GFAP: variants seen among roughly 807,000 people sequenced by gnomAD.
The protein encoded by GFAP is glial fibrillary acidic protein.
A neutral mutation model predicts 49.3 loss-of-function variants in GFAP; 38 were observed. The ratio of observed to expected loss-of-function variants is 0.77; its 90% CI spans 0.60 to 1.01. GFAP has a LOEUF of 1.01. Ranked by LOEUF, GFAP falls within the 50% of genes least tolerant of loss-of-function variation. The pLI is 0.00. For synonymous variants in GFAP, 222 were observed against 236.4 expected (o/e 0.94, Z 0.56); for missense variants, 463 against 579.1 (o/e 0.80, Z 2.06).
rs552590923 is a variant in GFAP at position 44,915,200 on chromosome 17, G to A, written c.287C>T (p.Ala96Val). 6.9e-5 allele frequency: 112 copies of A among 1,614,214 alleles called. No homozygotes were observed. Among genetic ancestry groups the A allele is most frequent in the Admixed American group, 1.8e-4 (11 of 60,034 alleles). Reference sequence around the variant, plus strand: ...CAGCTGGTTCAGCTCAGCAGCCAGCGCCTTGTTTTGCTGTTCCAGGAAGCG... The same window carrying A: ...CAGCTGGTTCAGCTCAGCAGCCAGCACCTTGTTTTGCTGTTCCAGGAAGCG... ...KVRFLEQQNKALAAELNQLRA... is the reference protein window; with the variant it reads ...KVRFLEQQNKVLAAELNQLRA... Residue 96 changes from alanine (A) to valine (V), a missense_variant, in exon 1 of 9, where the codon GCG becomes GTG. By Grantham distance (64) the Ala-to-Val change is moderately conservative. Transcript: ENST00000588735. This position sits in a 1 kb window ranked among gnomAD's most constrained non-coding sequence, Gnocchi z 4.1.
chr17:44,915,446 T>A lies in GFAP; in HGVS notation c.41A>T (p.Tyr14Phe), dbSNP rs2051891927. Reference protein sequence around the residue: ...RRITSAARRSYVSSGEMMVGG... With the variant: ...RRITSAARRSFVSSGEMMVGG... ...CACCATCATCTCCCCTGAGGAGACG[T>A]AGGAGCGGCGAGCAGCGGAGGTGAT... Residue 14 changes from tyrosine (Y) to phenylalanine (F), a missense_variant, in exon 1 of 9, where the codon TAC (tyrosine) becomes TTC (phenylalanine). By Grantham distance (22) the Tyr-to-Phe change is conservative. Transcript: ENST00000588735. The surrounding 1 kb of genome is among the most constrained non-coding windows in gnomAD (Gnocchi z 4.1). 6.2e-7 allele frequency: 1 copy of A among 1,607,988 alleles called. No individual in the cohort carries two copies. Among genetic ancestry groups the A allele is most frequent in the Admixed American group, 1.7e-5 (1 of 59,340 alleles).
At chr17:44,913,146 G>C in intron 4 of GFAP, 123 bp downstream of exon 4, 2 of 966,018 alleles carry the variant, frequency 2.1e-6, no homozygotes, top group Non-Finnish European at 3.3e-6. Context: ...TCACTTCTCT[G>C]GTGAAAGTCA....
chr17:44,913,603 C>T (rs767902156), intron 3 of GFAP, 125 bp downstream of exon 3: 12 of 1,027,834 alleles, frequency 1.2e-5, no homozygotes, highest in African/African-American at 1.6e-5. Flanking sequence ...CTGTCTCTAC[C>T]TGCCAATCTC....
At chr17:44,908,882 A>G (rs2051696865) in intron 7 of GFAP, 1 of 151,430 alleles carries the variant, frequency 6.6e-6, no homozygotes, top group African/African-American at 2.5e-5. Context: ...CAAGCAAGCA[A>G]GCAAGCAGGA....
intron 7 of GFAP, chr17:44,908,615 C>G (rs2051691706): frequency 6.5e-6 from 1 of 153,588 alleles, no homozygotes; most frequent in Admixed American, 6.5e-5. Flanking sequence ...AATCCCAGCA[C>G]TTTGGGAGGC....
rs1463280530 is a variant in GFAP at position 44,914,009 on chromosome 17, T to C, written c.522+19A>G. The C allele has an allele frequency of 1.8e-6, 2 of 1,111,134 alleles. No homozygotes were observed. Among genetic ancestry groups the C allele is most frequent in the Non-Finnish European group, 1.3e-6 (1 of 757,370 alleles). 68.8% of individuals were successfully genotyped at this position (1,111,134 alleles called of 1,614,324 possible). A position where few individuals can be genotyped will look rare whatever the true frequency, so the allele number is the denominator to read the frequency against. ...AATCCTTTCCTCCCTCCCCTGCCCC[T>C]CCCCTCCACCTCCCTGACCTGTCTA... is the stretch of plus-strand genomic sequence containing the variant. On this transcript the variant is annotated intron_variant, in intron 2 of 8. Coordinates refer to ENST00000588735, the MANE Select transcript of GFAP (RefSeq NM_002055.5).
chr17:44,909,489 T>A (rs918816726), intron 7 of GFAP: 1 of 152,314 alleles, frequency 6.6e-6, no homozygotes, highest in African/African-American at 2.4e-5. Flanking sequence ...GCCTTTCTGA[T>A]GCTGAATTAA....
chr17:44,914,927 C>T, intron 1 of GFAP, 99 bp downstream of exon 1: 1 of 1,023,340 alleles, frequency 9.8e-7, no homozygotes, highest in Non-Finnish European at 1.5e-6. Flanking sequence ...GCCCAGGGAG[C>T]AGGGAGGTTC....
chr17:44,904,032 A>G lies in GFAP; in HGVS notation c.*3315T>C. The G allele has an allele frequency of 6.4e-7, 1 of 1,550,650 alleles. No homozygotes were observed. The highest frequency in any genetic ancestry group is 2.4e-5 in the East Asian group (1 of 40,928). On this transcript the variant is annotated 3_prime_UTR_variant, in exon 9 of 9. Transcript: ENST00000588735. ...GTGCCAGCTGTAGTCTGGTTCTACC[A>G]AAAGCACCTAGGTAGCAGCCACACC...
chr17:44,910,789 C>G (rs2051744827), intron 6 of GFAP, 131 bp from the exon 7 acceptor site: 3 of 1,362,160 alleles, frequency 2.2e-6, no homozygotes, highest in Non-Finnish European at 3.0e-6. Context: ...CATCTCCTAG[C>G]TTTTTCCCCA....
At chr17:44,914,135 CT>C in intron 1 of GFAP, 47 bp from the exon 2 acceptor site, 1 of 1,329,020 alleles carries the variant, frequency 7.5e-7, no homozygotes, top group Non-Finnish European at 1.1e-6. Flanking sequence ...TCTGAGGACA[CT>C]TGAATACCTG....
rs560230868 is a variant in GFAP at position 44,910,471 on chromosome 17, A to G, written c.1171+144T>C. The G allele has an allele frequency of 1.9e-6, 3 of 1,557,076 alleles. No individual in the cohort carries two copies. Among genetic ancestry groups the G allele is most frequent in the African/African-American group, 2.7e-5 (2 of 73,440 alleles). On this transcript the variant is annotated intron_variant, in intron 7 of 8. Coordinates refer to ENST00000588735, the MANE Select transcript of GFAP (RefSeq NM_002055.5). ...TACCCTGGTATGATAGGCTCTGGCT[A>G]GGAGCGCTGCAGTGTCACGAAGGCC...
intron 1 of GFAP, chr17:44,914,379 A>G (rs2051858053): frequency 2.2e-6 from 1 of 461,814 alleles, no homozygotes. Flanking sequence ...ACACACACAC[A>G]CACACGCACA....
At chr17:44,911,479 C>G (rs769884186) in intron 5 of GFAP, 23 bp from the exon 6 acceptor site, 1 of 1,580,826 alleles carries the variant, frequency 6.3e-7, no homozygotes, top group South Asian at 1.1e-5. Flanking sequence ...GCCGGCCGGT[C>G]CCGCGGAGCC....
In GFAP at chr17:44,911,450, A is replaced by T; in HGVS notation, c.913T>A (p.Ser305Thr). ...DLESLRGTNE[S>T]LERQMREQEE... The stretch of plus-strand genomic sequence containing the variant: ...TGCTCGCGCATCTGCCTCTCCAGGG[A>T]CTCGTTCTGTGGGATGGAGCCGGCC... Residue 305 changes from serine to threonine, a missense_variant, in exon 6 of 9, where the codon TCC (serine) becomes ACC (threonine). By Grantham distance (58) the Ser-to-Thr change is moderately conservative. Transcript: ENST00000588735. 1.2e-6 allele frequency: 2 copies of T among 1,605,562 alleles called. No homozygotes were observed. Among genetic ancestry groups the T allele is most frequent in the East Asian group, 4.5e-5 (2 of 44,742 alleles).
rs1055656512 is a variant in GFAP at position 44,903,643 on chromosome 17, T to G, written c.*3704A>C. ...AGGTCTGGAATGTTAGAAGGGCATC[T>G]TGTACATCCACTGGGAATAAATTGC... is the stretch of plus-strand genomic sequence containing the variant. On this transcript the variant is annotated 3_prime_UTR_variant, in exon 9 of 9. Transcript: ENST00000588735. The G allele has an allele frequency of 6.3e-6, 9 of 1,432,520 alleles. No individual in the cohort carries two copies. The African/African-American group carries it at 1.3e-4, about 21-fold the overall frequency. 88.7% of individuals were successfully genotyped at this position (1,432,520 alleles called of 1,614,324 possible). A position where few individuals can be genotyped will look rare whatever the true frequency, so the allele number is the denominator to read the frequency against.
rs1396950389 is a variant in GFAP at position 44,906,956 on chromosome 17, C to G, written c.*391G>C. 1 of 312,168 alleles carries G rather than the reference C, an allele frequency of 3.2e-6. No individual in the cohort carries two copies. The highest frequency in any genetic ancestry group is 6.3e-6 in the Non-Finnish European group (1 of 159,342). The allele number at this position is 312,168 out of a possible 1,614,324, so 19.3% of individuals were successfully genotyped here. ...TCAAAGGCACAGTTCCCAGATACTC[C>G]GAGAGAACCTCCATCTCTGGCAACA... On this transcript the variant is annotated 3_prime_UTR_variant, in exon 9 of 9. Transcript: ENST00000588735.
At chr17:44,907,435 A>T in intron 8 of GFAP, 47 bp from the exon 9 acceptor site, 2 of 1,368,044 alleles carry the variant, frequency 1.5e-6, no homozygotes, top group Admixed American at 1.7e-5. Context: ...AGGAGTTCAC[A>T]CAGACCCCAG....
chr17:44,914,958 C>T (rs528274623), intron 1 of GFAP, 68 bp downstream of exon 1: 7 of 1,416,530 alleles, frequency 4.9e-6, no homozygotes, highest in East Asian at 2.3e-5. Context: ...TGAGACTTCT[C>T]GGGCACTCCT....
Sources: allele counts gnomAD v4.1 joint callset, GRCh38; gene constraint gnomAD v4.1.1; non-coding constraint Gnocchi (gnomAD v3.1); transcripts MANE v1.5; gene names NCBI Gene and HGNC (gene_info 2026-07-23, HGNC 2026-07-21).